Variants in FAXDC2 observed in about 807,000 individuals in gnomAD.
FAXDC2 encodes fatty acid hydroxylase domain containing 2, also known as fatty acid hydroxylase domain-containing protein 2.
In FAXDC2, 41 loss-of-function variants were observed where a neutral mutation model predicts 40.9. That is an observed-to-expected ratio of 1.00 (90% confidence interval 0.78 to 1.30). The LOEUF (loss-of-function observed/expected upper bound fraction) is 1.30. Among genes scored for constraint, FAXDC2 ranks in the 50% most tolerant of loss-of-function variants. FAXDC2 has a pLI of 0.00. For missense variants in FAXDC2, 390 were observed against 408.8 expected, an observed-to-expected ratio of 0.95 and a Z score of 0.40; for synonymous variants, 157 against 149.3, an observed-to-expected ratio of 1.05 and a Z score of -0.38.
At chr5:154,833,441 G>A (rs1760242266) in intron 4 of FAXDC2, among the ~76,000 whole-genome samples, 1 of 150,842 alleles carries the variant, frequency 6.6e-6, no homozygotes. Context: ...TGCCTCCCAG[G>A]TTCAAGCAAT....
At chr5:154,828,922 C>CTTT (rs374113320) in intron 5 of FAXDC2, among the ~76,000 whole-genome samples, 1 of 132,488 alleles carries the variant, frequency 7.5e-6, no homozygotes, top group Non-Finnish European at 1.6e-5. Context: ...TTCTTTTTTT[C>CTTT]TTTTTTTTTT....
intron 1 of FAXDC2, among the ~76,000 whole-genome samples, chr5:154,839,167 AAC>A (rs1760422408): frequency 6.6e-6 from 1 of 151,706 alleles, no homozygotes; most frequent in Non-Finnish European, 1.5e-5. Flanking sequence ...CTCTACTGAA[AAC>A]ACAAAAATTA....
At chr5:154,837,216 A>T (rs764251740) in intron 2 of FAXDC2, among the ~76,000 whole-genome samples, 5 of 148,956 alleles carry the variant, frequency 3.4e-5, no homozygotes, top group South Asian at 4.2e-4. Flanking sequence ...ACGTGCACAC[A>T]CTCTCTCTCT....
chr5:154,823,447 A>T lies in FAXDC2; in HGVS notation c.512T>A (p.Phe171Tyr). The change falls in exon 6 of 9, where the codon TTC becomes TAC. Residue 171 changes from phenylalanine to tyrosine, a missense_variant. Phe to Tyr is a conservative substitution (Grantham distance 22, BLOSUM62 3). Transcript: ENST00000326080. ...CGTGAAGATGGCCAGCTCCAGGAGG[A>T]ACCAGTGGAAGGTGGGTAGCTCACG... ...CRRELPTFHW[F>Y]LLELAIFTLI... The T allele has an allele frequency of 6.2e-7, 1 of 1,614,172 alleles. No homozygotes were observed. The highest frequency in any genetic ancestry group is 1.3e-5 in the African/African-American group (1 of 75,048).
intron 6 of FAXDC2, 73 bp downstream of exon 6, chr5:154,823,314 T>A: frequency 7.0e-7 from 1 of 1,428,940 alleles, no homozygotes. Flanking sequence ...GCACCTGGCC[T>A]CAGTTTCCTT....
chr5:154,820,587 AC>A, intron 8 of FAXDC2, 115 bp from the exon 9 acceptor site: 1 of 736,082 alleles, frequency 1.4e-6, no homozygotes, highest in Non-Finnish European at 2.2e-6. Flanking sequence ...ACCTGTCACC[AC>A]CATCCTGACC....
chr5:154,849,013 C>T (rs1442078987), intron 1 of FAXDC2, among the ~76,000 whole-genome samples: 1 of 149,272 alleles, frequency 6.7e-6, no homozygotes, highest in Non-Finnish European at 1.5e-5. Context: ...GGCACGTTGG[C>T]TTATGCCTGT....
At chr5:154,848,241 A>AG (rs1233278875) in intron 1 of FAXDC2, among the ~76,000 whole-genome samples, 1 of 152,120 alleles carries the variant, frequency 6.6e-6, no homozygotes, top group Non-Finnish European at 1.5e-5. Context: ...TTACTCTTAG[A>AG]GGGGGGAGAA....
In FAXDC2 at chr5:154,834,843, C is replaced by T; in HGVS notation, c.140G>A (p.Trp47Ter). The T allele has an allele frequency of 6.2e-7, 1 of 1,610,734 alleles. No individual in the cohort carries two copies. Among genetic ancestry groups the T allele is most frequent in the Non-Finnish European group, 8.5e-7 (1 of 1,178,084 alleles). Residue 47 changes from tryptophan (W) to a stop codon, truncating the protein, a stop_gained and splice_region_variant, in exon 3 of 9, where the codon TGG becomes TAG. Coordinates refer to ENST00000326080, the MANE Select transcript of FAXDC2 (RefSeq NM_032385.5). LOFTEE classifies it high-confidence loss of function. ...CCCTAGCTGGGTGGAGCCGACTTAC[C>T]ATGTCACTGAGTTCCAGAAGGCCAC... The part of the protein sequence containing the change: ...SFVAFWNSVT[W>*]HLQRFWGASG...
Position 154,820,226 on chromosome 5 carries a change from G to GTCT in FAXDC2, c.*89_*90insAGA, listed in dbSNP as rs145788033. On this transcript the variant is annotated 3_prime_UTR_variant, in exon 9 of 9. Coordinates refer to ENST00000326080, the MANE Select transcript of FAXDC2 (RefSeq NM_032385.5). ...GGTGGTGCCATCATTAGGGCGTGTGGCCGAAGGAGGCAAATTGTTAGGTGC... is the reference window on the plus strand; with the variant it reads ...GGTGGTGCCATCATTAGGGCGTGTGGTCTCCGAAGGAGGCAAATTGTTAGGTGC... 1.5e-3 allele frequency: 1,678 copies of GTCT among 1,119,874 alleles called. 13 individuals are homozygous for GTCT. The East Asian group carries it at 0.015, about 10-fold the overall frequency. The allele number at this position is 1,119,874 out of a possible 1,614,324, so 69.4% of individuals were successfully genotyped here. A position where few individuals can be genotyped will look rare whatever the true frequency, so the allele number is the denominator to read the frequency against.
intron 4 of FAXDC2, among the ~76,000 whole-genome samples, chr5:154,832,145 ATT>A (rs1760208251): frequency 1.3e-5 from 2 of 151,718 alleles, no homozygotes; most frequent in African/African-American, 4.8e-5. Flanking sequence ...ACAGTGGGTG[ATT>A]TTCACACTTT....
At position 154,824,242 on chromosome 5, in the gene FAXDC2, C is replaced by T; in HGVS notation, c.367-650G>A. The T allele has an allele frequency of 9.3e-6, 5 of 539,486 alleles. No homozygotes were observed. The South Asian group carries it at 1.1e-4, about 12-fold the overall frequency. The allele number at this position is 539,486 out of a possible 1,614,324, so 33.4% of individuals were successfully genotyped here. A position where few individuals can be genotyped will look rare whatever the true frequency, so the allele number is the denominator to read the frequency against. ...GTCCAAAGTCCATTTGGCCTCAATA[C>T]TGCAGCCAATATTTCCCCCAGAATC... On this transcript the variant is annotated intron_variant, in intron 5 of 8. Transcript: ENST00000326080.
intron 8 of FAXDC2, 160 bp from the exon 9 acceptor site, chr5:154,820,632 A>G: frequency 1.8e-6 from 1 of 567,048 alleles, no homozygotes; most frequent in South Asian, 2.6e-5. Context: ...AGTTGCTACC[A>G]ATGCATCTCC....
chr5:154,839,347 AGAAAT>A (rs1461214044), intron 1 of FAXDC2, among the ~76,000 whole-genome samples: 1 of 151,716 alleles, frequency 6.6e-6, no homozygotes, highest in African/African-American at 2.4e-5. Context: ...AAAAAAGAAA[AGAAAT>A]ACGTCTGAGG....
At chr5:154,842,512 GTTTTTTTTTTTTTTT>G (rs772426610) in intron 1 of FAXDC2, among the ~76,000 whole-genome samples, 7 of 51,588 alleles carry the variant, frequency 1.4e-4, no homozygotes, top group Non-Finnish European at 2.3e-4. Flanking sequence ...CCCTTTGTGT[GTTTTTTTTTTTTTTT>G]TTTTTTTTTT....
At chr5:154,820,940 G>C in intron 8 of FAXDC2, 1 of 317,422 alleles carries the variant, frequency 3.2e-6, no homozygotes, top group Non-Finnish European at 6.0e-6. Context: ...AAAAGTCTGG[G>C]GCTTTCAGAG....
At chr5:154,827,580 A>C (rs1053768434) in intron 5 of FAXDC2, among the ~76,000 whole-genome samples, 1 of 151,758 alleles carries the variant, frequency 6.6e-6, no homozygotes, top group Non-Finnish European at 1.5e-5. Flanking sequence ...AGGACATGTT[A>C]GGTGAGGCCA....
chr5:154,847,487 CTTTT>C (rs557543082), intron 1 of FAXDC2, among the ~76,000 whole-genome samples: 4 of 132,306 alleles, frequency 3.0e-5, no homozygotes, highest in East Asian at 4.3e-4. Flanking sequence ...TTCTTTCTTT[CTTTT>C]TTTTTTTTTT....
At chr5:154,839,461 T>G (rs1466475885) in intron 1 of FAXDC2, among the ~76,000 whole-genome samples, 1 of 150,846 alleles carries the variant, frequency 6.6e-6, no homozygotes, top group Non-Finnish European at 1.5e-5. Flanking sequence ...TGGGCAAACA[T>G]AGAGACACCC....
Sources: allele counts gnomAD v4.1 joint callset (sites outside exome capture counted in the v4.1 genomes callset), GRCh38; gene constraint gnomAD v4.1.1; transcripts MANE v1.5; gene names NCBI Gene and HGNC (gene_info 2026-07-23, HGNC 2026-07-21).